EYS: variants seen among roughly 807,000 people sequenced by gnomAD.
EYS encodes protein eyes shut homolog.
A neutral mutation model predicts 282.1 loss-of-function variants in EYS; 250 were observed. The ratio of observed to expected loss-of-function variants is 0.89; its 90% confidence interval spans 0.80 to 0.98. The LOEUF (loss-of-function observed/expected upper bound fraction) is 0.98. EYS is among the 50% of genes least tolerant of loss of function. EYS has a pLI of 0.00. For synonymous variants in EYS, 1,355 were observed against 1,282.9 expected (o/e 1.06, Z -1.20); for missense variants, 4,016 against 3,709.0 (o/e 1.08, Z -2.15).
intron 41 of EYS, among the ~76,000 whole-genome samples, chr6:63,754,067 T>A (rs1769414633): frequency 6.6e-6 from 1 of 152,222 alleles, no homozygotes; most frequent in Non-Finnish European, 1.5e-5. Context: ...TCTTAGGATA[T>A]TTCTTACTCT....
At chr6:64,172,294 TATACTC>T (rs1209459557) in intron 31 of EYS, among the ~76,000 whole-genome samples, 2 of 152,116 alleles carry the variant, frequency 1.3e-5, no homozygotes, top group Non-Finnish European at 2.9e-5. Context: ...TATACATAAT[TATACTC>T]AGAATGTTAT....
chr6:64,545,368 T>A (rs1273509327), intron 26 of EYS, among the ~76,000 whole-genome samples: 1 of 152,114 alleles, frequency 6.6e-6, no homozygotes, highest in Admixed American at 6.6e-5. Flanking sequence ...ATGGGACGTA[T>A]CTCAAAATAA....
chr6:64,992,932 C>T (rs1771116974), intron 14 of EYS, among the ~76,000 whole-genome samples: 1 of 151,552 alleles, frequency 6.6e-6, no homozygotes, highest in South Asian at 2.1e-4. Flanking sequence ...TGGGACCTGA[C>T]CACTGATTAG....
At chr6:64,238,939 T>C (rs1435138042) in intron 30 of EYS, among the ~76,000 whole-genome samples, 7 of 152,174 alleles carry the variant, frequency 4.6e-5, no homozygotes, top group Admixed American at 3.9e-4. Flanking sequence ...TTTGTGATGT[T>C]CCCCTCCCTG....
At chr6:64,938,190 A>G (rs1272633345) in intron 15 of EYS, among the ~76,000 whole-genome samples, 4 of 151,636 alleles carry the variant, frequency 2.6e-5, no homozygotes, top group South Asian at 2.1e-4. Flanking sequence ...GTATTCTAAC[A>G]TTAGATAGTG....
intron 31 of EYS, among the ~76,000 whole-genome samples, chr6:64,118,726 A>C (rs77848821): frequency 0.069 from 10,429 of 152,204 alleles, 1,085 homozygotes; most frequent in African/African-American, 0.23. Context: ...GACAAAGGAA[A>C]AATCAACAGA....
intron 10 of EYS, among the ~76,000 whole-genome samples, chr6:65,343,642 G>A (rs1161481862): frequency 6.6e-6 from 1 of 150,958 alleles, no homozygotes; most frequent in African/African-American, 2.4e-5. Flanking sequence ...TAAGTAGCTT[G>A]CTCGTGTAAG....
intron 21 of EYS, among the ~76,000 whole-genome samples, chr6:64,814,188 G>T (rs1479266853): frequency 2.6e-5 from 4 of 152,058 alleles, no homozygotes; most frequent in African/African-American, 4.8e-5. Flanking sequence ...ACCTGTAGCT[G>T]CAGAAGTGCA....
intron 30 of EYS, among the ~76,000 whole-genome samples, chr6:64,243,043 A>G (rs1475066903): frequency 6.8e-6 from 1 of 147,504 alleles, no homozygotes; most frequent in Admixed American, 6.8e-5. Context: ...TATAAAATAT[A>G]ATTATATAAA....
intron 26 of EYS, among the ~76,000 whole-genome samples, chr6:64,546,426 A>C (rs898686247): frequency 4.6e-5 from 7 of 152,192 alleles, no homozygotes; most frequent in Non-Finnish European, 1.0e-4. Context: ...CCCTAGAAGA[A>C]AACCTGGGCA....
chr6:64,691,471 A>C (rs1171511484), intron 22 of EYS, among the ~76,000 whole-genome samples: 1 of 152,212 alleles, frequency 6.6e-6, no homozygotes, highest in Non-Finnish European at 1.5e-5. Context: ...TTTTATATGC[A>C]ACAGAAACAG....
intron 19 of EYS, among the ~76,000 whole-genome samples, chr6:64,863,841 T>G (rs1402959803): frequency 6.6e-6 from 1 of 152,138 alleles, no homozygotes. Flanking sequence ...TCGTGCATAT[T>G]TTAAATTATT....
intron 22 of EYS, among the ~76,000 whole-genome samples, chr6:64,673,357 A>G (rs753292086): frequency 1.4e-4 from 22 of 152,134 alleles, no homozygotes; most frequent in Admixed American, 7.9e-4. Context: ...TAATTGAGTT[A>G]TGATAACACT....
chr6:65,385,062 C>T (rs1765749032), intron 7 of EYS, among the ~76,000 whole-genome samples: 1 of 151,896 alleles, frequency 6.6e-6, no homozygotes, highest in Non-Finnish European at 1.5e-5. Context: ...TGCTAAAGAA[C>T]ACACACTGGT....
chr6:65,369,611 C>T (rs1765060909), intron 8 of EYS, among the ~76,000 whole-genome samples: 2 of 151,160 alleles, frequency 1.3e-5, no homozygotes, highest in South Asian at 2.1e-4. Context: ...TTTCCACTTT[C>T]TGCAACCTAA....
At chr6:63,897,706 G>A (rs78311587) in intron 35 of EYS, among the ~76,000 whole-genome samples, 11,862 of 152,268 alleles carry the variant, frequency 0.078, 530 homozygotes, top group South Asian at 0.12. Context: ...ACTAATACAA[G>A]TCCTTACTGT....
chr6:65,386,121 G>C (rs1765792977), intron 7 of EYS, among the ~76,000 whole-genome samples: 1 of 151,008 alleles, frequency 6.6e-6, no homozygotes, highest in Admixed American at 6.6e-5. Flanking sequence ...GGTGTTGAAT[G>C]AACACTGGGC....
intron 29 of EYS, among the ~76,000 whole-genome samples, chr6:64,328,715 G>A (rs1770523851): frequency 6.6e-6 from 1 of 152,186 alleles, no homozygotes. Flanking sequence ...AGGAGGCCAA[G>A]AGAGAAGCCA....
At chr6:64,007,657 G>T (rs962061380) in intron 33 of EYS, among the ~76,000 whole-genome samples, 1 of 152,044 alleles carries the variant, frequency 6.6e-6, no homozygotes, top group African/African-American at 2.4e-5. Context: ...CACTGCTTTA[G>T]CTGTGCCCCA....
Sources: allele counts gnomAD v4.1 joint callset (sites outside exome capture counted in the v4.1 genomes callset), GRCh38; gene constraint gnomAD v4.1.1; transcripts MANE v1.5; gene names NCBI Gene and HGNC (gene_info 2026-07-23, HGNC 2026-07-21).